The following RAB3GAP1 variants were observed in gnomAD, a reference collection of about 807,000 sequenced individuals.
RAB3GAP1 encodes the protein rab3 GTPase-activating protein catalytic subunit.
RAB3GAP1 carries 86 observed loss-of-function variants against 130.7 expected under a neutral mutation model. The observed-to-expected ratio is 0.66, with a 90% CI of 0.55 to 0.79. The LOEUF is 0.79. Ranked by LOEUF, RAB3GAP1 falls within the 30% of genes least tolerant of loss-of-function variation. RAB3GAP1 has a pLI of 0.00. For synonymous variants in RAB3GAP1, 367 were observed against 401.7 expected (o/e 0.91, Z 1.03); for missense variants, 1,029 against 1,169.4 (o/e 0.88, Z 1.75).
chr2:135,100,156 T>C (rs1448072506), intron 5 of RAB3GAP1, among the ~76,000 whole-genome samples: 1 of 152,212 alleles, frequency 6.6e-6, no homozygotes, highest in Non-Finnish European at 1.5e-5. Flanking sequence ...CTCAGAGTTA[T>C]ATAATTCACA....
chr2:135,056,920 A>G (rs117833702), intron 2 of RAB3GAP1, among the ~76,000 whole-genome samples: 3 of 152,338 alleles, frequency 2.0e-5, no homozygotes, highest in East Asian at 1.9e-4. Flanking sequence ...TTGCCTTTCC[A>G]TACAGTTTGA....
chr2:135,131,205 A>C (rs1691527487), intron 13 of RAB3GAP1, among the ~76,000 whole-genome samples: 1 of 152,064 alleles, frequency 6.6e-6, no homozygotes, highest in South Asian at 2.1e-4. Flanking sequence ...CAACATGATT[A>C]GAATTTTTTT....
At chr2:135,115,409 T>C (rs1263170109) in intron 7 of RAB3GAP1, 28 bp downstream of exon 7, 2 of 1,584,158 alleles carry the variant, frequency 1.3e-6, no homozygotes, top group African/African-American at 2.7e-5. Context: ...TTGTCAGTCT[T>C]ATCTGAGATC....
rs183650963 is a variant in RAB3GAP1 at position 135,073,582 on chromosome 2, G to A, written c.150+15496G>A. ...GGGCAGTTTGCCTTCTAGTGGCCTG[G>A]CCTTCTGCACCAGTGGCAGTTACCT... On this transcript the variant is annotated intron_variant, in intron 3 of 23. Coordinates refer to ENST00000264158, the MANE Select transcript of RAB3GAP1 (RefSeq NM_012233.3). Among the ~76,000 whole-genome samples, 6 of 152,286 alleles carry A rather than the reference G, an allele frequency of 3.9e-5. No homozygotes were observed. In the East Asian group the frequency reaches 9.7e-4, roughly 25 times the overall value.
chr2:135,120,837 T>C lies in RAB3GAP1; in HGVS notation c.667T>C (p.Leu223=), dbSNP rs757017103. 1 of 1,611,416 alleles carries C rather than the reference T, an allele frequency of 6.2e-7. No homozygotes were observed. The highest frequency in any genetic ancestry group is 8.5e-7 in the Non-Finnish European group (1 of 1,177,556). The change falls in exon 8 of 24, where the codon TTG becomes CTG. Residue 223 remains leucine (L), a synonymous_variant. Transcript: ENST00000264158. ...KSKIGCPLTP[L]PPVSIAIRFT... ...TTCCTAGGGATGTCCTTTAACTCCA[T>C]TGCCTCCAGTTAGTATTGCTATTCG...
At chr2:135,157,781 G>A (rs1281012331) in intron 19 of RAB3GAP1, among the ~76,000 whole-genome samples, 1 of 148,168 alleles carries the variant, frequency 6.7e-6, no homozygotes, top group African/African-American at 2.5e-5. Flanking sequence ...GCAGTGAGCC[G>A]AGATCGTGTC....
intron 21 of RAB3GAP1, 29 bp from the exon 22 acceptor site, chr2:135,162,957 A>G (rs772384441): frequency 3.8e-6 from 6 of 1,592,268 alleles, no homozygotes; most frequent in Admixed American, 1.7e-5. Context: ...CCATCTCGCA[A>G]TGTATGCCTC....
intron 3 of RAB3GAP1, among the ~76,000 whole-genome samples, chr2:135,087,216 A>G (rs2104869127): frequency 6.6e-6 from 1 of 152,290 alleles, no homozygotes; most frequent in Admixed American, 6.5e-5. Context: ...TCTGTTGTGA[A>G]GTCAAATGTA....
At chr2:135,098,267 A>G (rs1391050877) in intron 5 of RAB3GAP1, among the ~76,000 whole-genome samples, 2 of 152,084 alleles carry the variant, frequency 1.3e-5, no homozygotes, top group African/African-American at 4.8e-5. Context: ...TATACTTTGG[A>G]TGTAAATCTT....
At chr2:135,166,456 C>T (rs1692654901) in intron 23 of RAB3GAP1, among the ~76,000 whole-genome samples, 1 of 151,918 alleles carries the variant, frequency 6.6e-6, no homozygotes, top group Non-Finnish European at 1.5e-5. Flanking sequence ...TTAAGCAATC[C>T]TCTTGCTTCA....
chr2:135,092,249 G>C (rs1558771531), intron 4 of RAB3GAP1, among the ~76,000 whole-genome samples: 1 of 152,180 alleles, frequency 6.6e-6, no homozygotes, highest in Non-Finnish European at 1.5e-5. Flanking sequence ...TAATAGCCCA[G>C]CAATTTTCAG....
In RAB3GAP1 at chr2:135,168,817, AGTGCTGCCT is replaced by A. The variant is rs762299084; in HGVS notation, c.*37_*45del. ...ATTACTCGTTGGTGGCTTCAGAGAC[AGTGCTGCCT>A]CCTCCTGAGGGAGGGAAGGTACCAG... On this transcript the variant is annotated 3_prime_UTR_variant, in exon 24 of 24. Transcript: ENST00000264158. 1.9e-6 allele frequency: 3 copies of A among 1,566,548 alleles called. No individual in the cohort carries two copies. Among genetic ancestry groups the A allele is most frequent in the Admixed American group, 1.7e-5 (1 of 59,938 alleles).
intron 3 of RAB3GAP1, among the ~76,000 whole-genome samples, chr2:135,060,244 C>G (rs1177521795): frequency 4.1e-5 from 6 of 147,500 alleles, no homozygotes; most frequent in African/African-American, 1.5e-4. Flanking sequence ...ATGGACAAAA[C>G]TTAACTGCTT....
At chr2:135,099,242 A>C (rs2104888318) in intron 5 of RAB3GAP1, among the ~76,000 whole-genome samples, 1 of 152,218 alleles carries the variant, frequency 6.6e-6, no homozygotes, top group Middle Eastern at 3.4e-3. Flanking sequence ...TTTTATTATG[A>C]ATGGATGTTG....
At position 135,130,006 on chromosome 2, in the gene RAB3GAP1, A is replaced by T; in HGVS notation, c.985A>T (p.Thr329Ser). ...TTTTTCCTACATAGGTGATTTTGTC[A>T]CTGAATTTTTTAAAATTTGCCGTCG... ...NPQCLLGDFVTEFFKICRRKE... is the reference protein window; with the variant it reads ...NPQCLLGDFVSEFFKICRRKE... The change falls in exon 12 of 24, where the codon ACT becomes TCT. Residue 329 changes from threonine to serine, a missense_variant. Thr to Ser is a moderately conservative substitution (Grantham distance 58). Coordinates refer to ENST00000264158, the MANE Select transcript of RAB3GAP1 (RefSeq NM_012233.3). The T allele has an allele frequency of 6.2e-7, 1 of 1,609,982 alleles. No homozygotes were observed. The highest frequency in any genetic ancestry group is 8.5e-7 in the Non-Finnish European group (1 of 1,177,502).
chr2:135,082,096 C>T (rs1689838379), intron 3 of RAB3GAP1, among the ~76,000 whole-genome samples: 1 of 151,666 alleles, frequency 6.6e-6, no homozygotes, highest in Admixed American at 6.6e-5. Context: ...GAGCCAAGAT[C>T]ATGACATTGC....
intron 7 of RAB3GAP1, among the ~76,000 whole-genome samples, chr2:135,117,809 T>TTTC (rs1553445369): frequency 2.7e-4 from 30 of 110,376 alleles, no homozygotes; most frequent in African/African-American, 9.5e-4. Context: ...CTTCTTCTTC[T>TTTC]TTCTTCTTCT....
chr2:135,134,168 C>T, intron 15 of RAB3GAP1, 135 bp downstream of exon 15: 2 of 934,716 alleles, frequency 2.1e-6, no homozygotes, highest in Non-Finnish European at 1.6e-6. Context: ...GATTTATGTT[C>T]AGAGGTGTTC....
At chr2:135,124,310 G>A in intron 9 of RAB3GAP1, 64 bp downstream of exon 9, 3 of 1,437,854 alleles carry the variant, frequency 2.1e-6, no homozygotes, top group Non-Finnish European at 2.9e-6. Flanking sequence ...TATTGATATT[G>A]ATTTCACTGT....
Sources: allele counts gnomAD v4.1 joint callset (sites outside exome capture counted in the v4.1 genomes callset), GRCh38; gene constraint gnomAD v4.1.1; transcripts MANE v1.5; gene names NCBI Gene and HGNC (gene_info 2026-07-23, HGNC 2026-07-21).